Variants in AFG3L2 observed in about 807,000 individuals in gnomAD.
AFG3L2 encodes AFG3 like matrix AAA peptidase subunit 2.
In AFG3L2, 54 loss-of-function variants were observed where a neutral mutation model predicts 94.5. That is an observed-to-expected ratio of 0.57 (90% CI 0.46 to 0.72). AFG3L2 has a LOEUF of 0.72. Ranked by LOEUF, AFG3L2 falls within the 30% of genes least tolerant of loss-of-function variation. The probability of loss-of-function intolerance (pLI) is 0.00; values close to 1 mark genes in which losing one functional copy is unlikely to be tolerated. For missense variants in AFG3L2, 754 were observed against 994.9 expected (o/e 0.76, Z 3.26); for synonymous variants, 377 against 365.5 (o/e 1.03, Z -0.36).
At chr18:12,371,502 A>C in intron 2 of AFG3L2, 90 bp downstream of exon 2, 1 of 974,476 alleles carries the variant, frequency 1.0e-6, no homozygotes, top group East Asian at 2.4e-5. Flanking sequence ...GTAATCAGAC[A>C]TAAGTTGGAG....
intron 3 of AFG3L2, among the ~76,000 whole-genome samples, chr18:12,370,463 CTT>C (rs71369930): frequency 1.7e-5 from 2 of 121,034 alleles, no homozygotes; most frequent in Non-Finnish European, 1.7e-5. Context: ...CTATAACTTT[CTT>C]TTTTTTTTTT....
rs1158515268 is a variant in AFG3L2 at position 12,329,176 on chromosome 18, A to C, written c.*389T>G. The C allele has an allele frequency of 4.3e-6, 3 of 703,048 alleles. No homozygotes were observed. The highest frequency in any genetic ancestry group is 7.8e-6 in the Non-Finnish European group (3 of 385,018). 43.6% of individuals were successfully genotyped at this position (703,048 alleles called of 1,614,324 possible). A position where few individuals can be genotyped will look rare whatever the true frequency, so the allele number is the denominator to read the frequency against. ...CTGCACAGGGGAACTGAGGAGAAAC[A>C]GGAATGAAGAGTGGGCGACAAAGAG... On this transcript the variant is annotated 3_prime_UTR_variant, in exon 17 of 17. Coordinates refer to ENST00000269143, the MANE Select transcript of AFG3L2 (RefSeq NM_006796.3).
chr18:12,361,966 A>G (rs1908675499), intron 6 of AFG3L2, among the ~76,000 whole-genome samples: 1 of 152,268 alleles, frequency 6.6e-6, no homozygotes, highest in African/African-American at 2.4e-5. Flanking sequence ...CCCATCACAG[A>G]AGCAGTGTGA....
At chr18:12,346,418 G>A (rs747197386) in intron 13 of AFG3L2, among the ~76,000 whole-genome samples, 6 of 152,038 alleles carry the variant, frequency 3.9e-5, no homozygotes, top group East Asian at 1.9e-4. Flanking sequence ...CATTCTCTAC[G>A]AGCCAGCTGC....
At chr18:12,347,554 AT>A (rs34215474) in intron 13 of AFG3L2, among the ~76,000 whole-genome samples, 102,559 of 140,620 alleles carry the variant, frequency 0.73, 36,095 homozygotes, top group Non-Finnish European at 0.8. Context: ...TATTATTATT[AT>A]TTTTTTTTTT....
chr18:12,362,850 G>C lies in AFG3L2; in HGVS notation c.627+932C>G, dbSNP rs149583352. On this transcript the variant is annotated intron_variant, in intron 6 of 16. Coordinates refer to ENST00000269143, the MANE Select transcript of AFG3L2 (RefSeq NM_006796.3). ...CCTAGGCTTCCCTCCTAGAAGCAGAGGGATGGGTGTGTGTGTGCTTCCCAC... is the reference window on the plus strand; with the variant it reads ...CCTAGGCTTCCCTCCTAGAAGCAGACGGATGGGTGTGTGTGTGCTTCCCAC... Among the ~76,000 whole-genome samples, 245 of 145,612 alleles carry C rather than the reference G, an allele frequency of 1.7e-3. 2 individuals are homozygous for C. Among genetic ancestry groups the C allele is most frequent in the South Asian group, 8.3e-3 (40 of 4,824 alleles).
Position 12,344,118 on chromosome 18 carries a change from C to A in AFG3L2, c.1779+14G>T, listed in dbSNP as rs932744770. Reference sequence around the variant, plus strand: ...CCCATGCACTGGCTGCCTAGTGCAGCTACCCTGCTTCACCTTTAAAAGCGG... The same window carrying A: ...CCCATGCACTGGCTGCCTAGTGCAGATACCCTGCTTCACCTTTAAAAGCGG... On this transcript the variant is annotated intron_variant, in intron 14 of 16. Transcript: ENST00000269143. 3.7e-6 allele frequency: 6 copies of A among 1,610,604 alleles called. No homozygotes were observed. The highest frequency in any genetic ancestry group is 5.1e-6 in the Non-Finnish European group (6 of 1,178,410).
rs771679779 is a variant in AFG3L2, at chr18:12,371,660, G to C, written c.146C>G (p.Ala49Gly). The stretch of plus-strand genomic sequence containing the variant: ...ATCTGTCAAAAGAGAATTTCTGCTG[G>C]CCCTTGCTTGAGTTGTAACAAATCG... Reference protein sequence around the residue: ...LYRFVTTQARASRNSLLTDII... With the variant: ...LYRFVTTQARGSRNSLLTDII... The change falls in exon 2 of 17, where the codon GCC becomes GGC. Residue 49 changes from alanine (A) to glycine (G), a missense_variant. By Grantham distance (60) the Ala-to-Gly change is moderately conservative. This residue lies in a region of AFG3L2 where 236 missense variants were observed against 214.0 expected (regional missense o/e 1.10). Transcript: ENST00000269143. 6.2e-7 allele frequency: 1 copy of C among 1,614,062 alleles called. No individual in the cohort carries two copies.
chr18:12,364,366 T>C (rs527798001), intron 5 of AFG3L2, among the ~76,000 whole-genome samples: 63 of 152,292 alleles, frequency 4.1e-4, no homozygotes, highest in African/African-American at 1.4e-3. Flanking sequence ...AACATTCCCA[T>C]ATCTACCTTT....
intron 14 of AFG3L2, chr18:12,341,569 T>A (rs1907954115): frequency 6.6e-6 from 1 of 152,218 alleles, no homozygotes; most frequent in Admixed American, 6.5e-5. Flanking sequence ...GTTTTTGAGA[T>A]CCATAGATAC....
Position 12,374,928 on chromosome 18 carries a change from C to T in AFG3L2, c.114+2041G>A, listed in dbSNP as rs1455797233. 7.3e-5 allele frequency among the ~76,000 whole-genome samples: 11 copies of T among 151,650 alleles called. No homozygotes were observed. The East Asian group carries it at 1.6e-3, about 21-fold the overall frequency. ...AAATTTAGCCAGGCGTAGTGGCGGG[C>T]GCCTGTAATCCCAGCTACTCGGGAG... On this transcript the variant is annotated intron_variant, in intron 1 of 16. Transcript: ENST00000269143.
At chr18:12,372,217 CT>C (rs1909014676) in intron 1 of AFG3L2, among the ~76,000 whole-genome samples, 1 of 152,120 alleles carries the variant, frequency 6.6e-6, no homozygotes, top group South Asian at 2.1e-4. Flanking sequence ...GGCAGGAGTA[CT>C]GCTTGAACCC....
At position 12,360,237 on chromosome 18, in the gene AFG3L2, G is replaced by A. The variant is rs1034104053; in HGVS notation, c.628-186C>T. The A allele has an allele frequency of 1.5e-5, 9 of 588,178 alleles. No homozygotes were observed. In the African/African-American group the frequency reaches 1.7e-4, roughly 11 times the overall value. The allele number at this position is 588,178 out of a possible 1,614,324, so 36.4% of individuals were successfully genotyped here. A position where few individuals can be genotyped will look rare whatever the true frequency, so the allele number is the denominator to read the frequency against. On this transcript the variant is annotated intron_variant, in intron 6 of 16. Transcript: ENST00000269143. ...AAATGTCACTCATTGAGAACACTTG[G>A]CAATTCTTGGCAAATAAGCATTTCT...
chr18:12,337,520 T>C lies in AFG3L2; in HGVS notation c.1996A>G (p.Met666Val), dbSNP rs151344514. 1.2e-6 allele frequency: 2 copies of C among 1,614,216 alleles called. No homozygotes were observed. Among genetic ancestry groups the C allele is most frequent in the Non-Finnish European group, 1.7e-6 (2 of 1,180,012 alleles). The change falls in exon 16 of 17, where the codon ATG (methionine) becomes GTG (valine). Residue 666 changes from methionine (M) to valine (V), a missense_variant. Met to Val is a conservative substitution (Grantham distance 21). This residue lies in a region of AFG3L2 where 279 missense variants were observed against 378.6 expected (regional missense o/e 0.74). Coordinates refer to ENST00000269143, the MANE Select transcript of AFG3L2 (RefSeq NM_006796.3). ...GAGATTTGCCCAACCTTTTCATTCA[T>C]GCCAAACTGAACAATCTGAAAAATA... ...SAYAQIVQFG[M>V]NEKVGQISFD...
chr18:12,351,541 T>A, intron 10 of AFG3L2, 128 bp from the exon 11 acceptor site: 1 of 833,390 alleles, frequency 1.2e-6, no homozygotes, highest in Non-Finnish European at 2.0e-6. Flanking sequence ...CATTATCTAG[T>A]GTTTTTTGTT....
chr18:12,363,436 A>G (rs577848335), intron 6 of AFG3L2, among the ~76,000 whole-genome samples: 3 of 152,354 alleles, frequency 2.0e-5, no homozygotes, highest in African/African-American at 4.8e-5. Flanking sequence ...AACATAGGCA[A>G]TTGAGATTTT....
chr18:12,354,385 C>A (rs1340584571), intron 9 of AFG3L2, among the ~76,000 whole-genome samples: 3 of 152,144 alleles, frequency 2.0e-5, no homozygotes, highest in Non-Finnish European at 4.4e-5. Flanking sequence ...TACAGGCTAA[C>A]TGGAGCTGGG....
At chr18:12,361,664 A>G (rs1165772449) in intron 6 of AFG3L2, among the ~76,000 whole-genome samples, 1 of 152,210 alleles carries the variant, frequency 6.6e-6, no homozygotes, top group Non-Finnish European at 1.5e-5. Flanking sequence ...AAACAAAAAA[A>G]CAAAACCTCA....
rs117366383 is a variant in AFG3L2, at chr18:12,371,741, T to C, written c.115-50A>G. Reference sequence around the variant, plus strand: ...CCATAGTTATATCAAGATAAAAAACTTAAAAGAGCTTCATTTCCTGGTCAT... The same window carrying C: ...CCATAGTTATATCAAGATAAAAAACCTAAAAGAGCTTCATTTCCTGGTCAT... On this transcript the variant is annotated intron_variant, in intron 1 of 16. Transcript: ENST00000269143. 5,366 of 1,448,872 alleles carry C rather than the reference T, an allele frequency of 3.7e-3. 20 individuals are homozygous for C. The highest frequency in any genetic ancestry group is 3.6e-3 in the Non-Finnish European group (3,787 of 1,040,336). 89.8% of individuals were successfully genotyped at this position (1,448,872 alleles called of 1,614,324 possible).
Sources: allele counts gnomAD v4.1 joint callset (sites outside exome capture counted in the v4.1 genomes callset), GRCh38; gene constraint gnomAD v4.1.1; regional missense constraint gnomAD v4.1.1; transcripts MANE v1.5; gene names NCBI Gene and HGNC (gene_info 2026-07-23, HGNC 2026-07-21).